The following PECAM1 variants were observed in gnomAD, a reference collection of about 807,000 sequenced individuals.
PECAM1 encodes the protein platelet endothelial cell adhesion molecule.
PECAM1 carries 8 observed loss-of-function variants against 13.8 expected under a neutral mutation model. The ratio of observed to expected loss-of-function variants is 0.58; its 90% CI spans 0.34 to 1.05. The LOEUF is 1.05. Ranked by LOEUF, PECAM1 falls within the 50% of genes least tolerant of loss-of-function variation. The pLI is 0.03. For synonymous variants in PECAM1, 136 were observed against 52.6 expected, an observed-to-expected ratio of 2.58 and a Z score of -6.86; for missense variants, 304 against 141.2, an observed-to-expected ratio of 2.15 and a Z score of -5.84.
At chr17:64,352,117 T>C (rs2035738483) in intron 11 of PECAM1, among the ~76,000 whole-genome samples, 2 of 152,222 alleles carry the variant, frequency 1.3e-5, no homozygotes, top group South Asian at 4.1e-4. Flanking sequence ...GCTGGAGCAA[T>C]GTTCAAAGTC....
intron 13 of PECAM1, among the ~76,000 whole-genome samples, chr17:64,347,719 ATATATTT>A (rs1180644995): frequency 7.1e-6 from 1 of 141,260 alleles, no homozygotes; most frequent in African/African-American, 2.7e-5. Context: ...TATATATATT[ATATATTT>A]TATATATATA....
intron 10 of PECAM1, among the ~76,000 whole-genome samples, 171 bp downstream of exon 10, chr17:64,353,304 GGTACACACACACACAC>G (rs1249248592): frequency 6.9e-6 from 1 of 144,130 alleles, no homozygotes; most frequent in Non-Finnish European, 1.5e-5. Flanking sequence ...CTTCCACGGA[GGTACACACACACACAC>G]ACACACACAC....
At chr17:64,376,415 A>G (rs1340057933) in intron 3 of PECAM1, among the ~76,000 whole-genome samples, 1 of 152,230 alleles carries the variant, frequency 6.6e-6, no homozygotes, top group Non-Finnish European at 1.5e-5. Context: ...AGAGGACACA[A>G]TCAGATTCCC....
chr17:64,364,713 A>G (rs2036063042), intron 5 of PECAM1, among the ~76,000 whole-genome samples: 2 of 151,832 alleles, frequency 1.3e-5, no homozygotes, highest in African/African-American at 4.8e-5. Flanking sequence ...AGAACCAAAG[A>G]CAAAAACCAC....
At chr17:64,326,818 G>A (rs2034971650) in intron 15 of PECAM1, among the ~76,000 whole-genome samples, 1 of 152,248 alleles carries the variant, frequency 6.6e-6, no homozygotes, top group African/African-American at 2.4e-5. Flanking sequence ...CCCAAGTGCA[G>A]TTGTGAAATC....
In PECAM1 at chr17:64,363,133, G is replaced by T. The variant is rs1350553567; in HGVS notation, c.1216+16C>A. 3.4e-5 allele frequency: 16 copies of T among 475,280 alleles called. No homozygotes were observed. Among genetic ancestry groups the T allele is most frequent in the African/African-American group, 5.9e-5 (3 of 50,516 alleles). The allele number at this position is 475,280 out of a possible 1,614,324, so 29.4% of individuals were successfully genotyped here. ...TCAACCCTGGATGTCCTCTGAGTCA[G>T]CAACAATATACTCACCACATACGAC... On this transcript the variant is annotated intron_variant, in intron 6 of 15. Coordinates refer to ENST00000563924, the MANE Select transcript of PECAM1 (RefSeq NM_000442.5).
intron 14 of PECAM1, among the ~76,000 whole-genome samples, chr17:64,335,245 C>A (rs2035247740): frequency 6.6e-6 from 1 of 152,016 alleles, no homozygotes; most frequent in African/African-American, 2.4e-5. Flanking sequence ...CAGGGTCACC[C>A]AGGCCACAGT....
chr17:64,353,890 A>G (rs1158304792), intron 9 of PECAM1, among the ~76,000 whole-genome samples: 1 of 151,648 alleles, frequency 6.6e-6, no homozygotes, highest in Non-Finnish European at 1.5e-5. Flanking sequence ...AGACAATGAT[A>G]TGGGAACCAG....
At chr17:64,342,150 A>AG (rs2035448725) in intron 13 of PECAM1, among the ~76,000 whole-genome samples, 4 of 55,062 alleles carry the variant, frequency 7.3e-5, no homozygotes, top group African/African-American at 1.9e-4. Context: ...ACACCACCTC[A>AG]AAAAAAAAAA....
chr17:64,372,870 C>T (rs1348577858), intron 4 of PECAM1, among the ~76,000 whole-genome samples: 2 of 151,262 alleles, frequency 1.3e-5, no homozygotes, highest in African/African-American at 2.4e-5. Context: ...AATCCCAGCA[C>T]TTTGGGAGGC....
chr17:64,355,491 G>T (rs1598025197), intron 8 of PECAM1, among the ~76,000 whole-genome samples: 1 of 151,928 alleles, frequency 6.6e-6, no homozygotes, highest in African/African-American at 2.4e-5. Context: ...GCAGAGTCTT[G>T]CTCTGTTGCC....
chr17:64,358,457 C>A (rs1171098326), intron 7 of PECAM1, among the ~76,000 whole-genome samples: 9 of 152,102 alleles, frequency 5.9e-5, no homozygotes, highest in Non-Finnish European at 1.2e-4. Flanking sequence ...GACCTTTTGG[C>A]TCATGTGTTT....
intron 6 of PECAM1, among the ~76,000 whole-genome samples, chr17:64,361,129 A>ATGTATG (rs1555651381): frequency 1.5e-5 from 2 of 137,178 alleles, no homozygotes; most frequent in African/African-American, 2.8e-5. Context: ...CTGAGCATAT[A>ATGTATG]TGTGTGTGTG....
chr17:64,375,015 C>A, intron 4 of PECAM1, 36 bp downstream of exon 4: 1 of 470,462 alleles, frequency 2.1e-6, no homozygotes, highest in Admixed American at 3.3e-5. Flanking sequence ...AACCAGAAAC[C>A]ACAAAGAACG....
chr17:64,352,320 T>C (rs2035744082), intron 11 of PECAM1, 70 bp downstream of exon 11: 1 of 454,338 alleles, frequency 2.2e-6, no homozygotes, highest in Non-Finnish European at 4.0e-6. Flanking sequence ...CATATTCTGC[T>C]TCTGAGAGGG....
rs2035812224 is a variant in PECAM1, at chr17:64,354,793, T to G, written c.1888+140A>C. On this transcript the variant is annotated intron_variant, in intron 9 of 15. Transcript: ENST00000563924. ...ATGCAATTTCCCCCCAAATTTATCT[T>G]TTCTGGTTTGCCCAATGAGGAAAAT... The G allele has an allele frequency of 9.7e-6, 4 of 411,354 alleles. 1 individual carries two copies. In the Middle Eastern group the frequency reaches 2.5e-3, roughly 261 times the overall value. The allele number at this position is 411,354 out of a possible 1,614,324, so 25.5% of individuals were successfully genotyped here.
intron 2 of PECAM1, among the ~76,000 whole-genome samples, chr17:64,385,467 C>T (rs1188507578): frequency 3.3e-5 from 5 of 152,172 alleles, no homozygotes; most frequent in African/African-American, 7.2e-5. Flanking sequence ...CTGGGAGCCA[C>T]GAAGCATAGA....
intron 11 of PECAM1, 21 bp downstream of exon 11, chr17:64,352,369 G>C: frequency 2.1e-6 from 1 of 474,814 alleles, no homozygotes; most frequent in Non-Finnish European, 3.9e-6. Context: ...AATTAGAAAT[G>C]GCAGGAGAAC....
chr17:64,335,695 T>C (rs1377076074), intron 14 of PECAM1, among the ~76,000 whole-genome samples: 1 of 152,100 alleles, frequency 6.6e-6, no homozygotes, highest in Non-Finnish European at 1.5e-5. Context: ...AGAATAATAA[T>C]AGAACCCCCA....
Sources: allele counts gnomAD v4.1 joint callset (sites outside exome capture counted in the v4.1 genomes callset), GRCh38; gene constraint gnomAD v4.1.1; transcripts MANE v1.5; gene names NCBI Gene and HGNC (gene_info 2026-07-23, HGNC 2026-07-21).